FGF7: variants seen among roughly 807,000 people sequenced by gnomAD.
FGF7 encodes the protein FGF-7.
FGF7 carries 6 observed loss-of-function variants against 20.5 expected under a neutral mutation model. The ratio of observed to expected loss-of-function variants is 0.29; its 90% CI spans 0.16 to 0.58. The LOEUF is 0.58. Ranked by LOEUF, FGF7 falls within the 20% of genes least tolerant of loss-of-function variation. The pLI, the probability that FGF7 is intolerant of heterozygous loss-of-function variation, is 0.90. For synonymous variants in FGF7, 64 were observed against 74.7 expected (o/e 0.86, Z 0.74); for missense variants, 144 against 228.8 (o/e 0.63, Z 2.39).
At chr15:49,470,974 C>T (rs552897877) in intron 2 of FGF7, among the ~76,000 whole-genome samples, 1 of 152,158 alleles carries the variant, frequency 6.6e-6, no homozygotes, top group African/African-American at 2.4e-5. Flanking sequence ...GTGTTTGTTC[C>T]ACATCTTGTG....
rs1040536229 is a variant in FGF7, at chr15:49,485,464, T to C, written c.*960T>C. The C allele has an allele frequency of 2.1e-5, 3 of 146,296 alleles. No individual in the cohort carries two copies. Among genetic ancestry groups the C allele is most frequent in the African/African-American group, 7.3e-5 (3 of 41,122 alleles). The allele number at this position is 146,296 out of a possible 1,614,324, so 9.1% of individuals were successfully genotyped here. On this transcript the variant is annotated 3_prime_UTR_variant, in exon 4 of 4. Coordinates refer to ENST00000267843, the MANE Select transcript of FGF7 (RefSeq NM_002009.4). ...TTTATTGTTTTGTTATTTAAGTTTA[T>C]GTTATTTATAAAAAAAAAACCTTAA...
chr15:49,470,722 T>C (rs1314333011), intron 2 of FGF7, among the ~76,000 whole-genome samples: 3 of 152,258 alleles, frequency 2.0e-5, no homozygotes, highest in Non-Finnish European at 4.4e-5. Context: ...GGATCATTGC[T>C]GTTAAGTATA....
In FGF7 at chr15:49,485,932, C is replaced by T. The variant is rs2152032541; in HGVS notation, c.*1428C>T. 6.6e-6 allele frequency: 1 copy of T among 151,996 alleles called. No homozygotes were observed. Among genetic ancestry groups the T allele is most frequent in the Non-Finnish European group, 1.5e-5 (1 of 67,940 alleles). 9.4% of individuals were successfully genotyped at this position (151,996 alleles called of 1,614,324 possible). A position where few individuals can be genotyped will look rare whatever the true frequency, so the allele number is the denominator to read the frequency against. Reference sequence around the variant, plus strand: ...CCTGTTAGATGGCAAGAGCACAATGCCCAAAATAGAAGATGCAGTTAAGAA... The same window carrying T: ...CCTGTTAGATGGCAAGAGCACAATGTCCAAAATAGAAGATGCAGTTAAGAA... On this transcript the variant is annotated 3_prime_UTR_variant, in exon 4 of 4. Transcript: ENST00000267843.
At chr15:49,439,114 G>C (rs571508348) in intron 2 of FGF7, among the ~76,000 whole-genome samples, 1 of 151,776 alleles carries the variant, frequency 6.6e-6, no homozygotes, top group South Asian at 2.1e-4. Context: ...TGGGGCTGAA[G>C]GATCTATATA....
At chr15:49,445,939 G>T (rs1472624878) in intron 2 of FGF7, among the ~76,000 whole-genome samples, 1 of 151,400 alleles carries the variant, frequency 6.6e-6, no homozygotes, top group Non-Finnish European at 1.5e-5. Flanking sequence ...TGTTAAAAAT[G>T]CCCAAGTATC....
chr15:49,461,712 GA>G (rs1419900221), intron 2 of FGF7, among the ~76,000 whole-genome samples: 1 of 152,080 alleles, frequency 6.6e-6, no homozygotes, highest in Non-Finnish European at 1.5e-5. Flanking sequence ...TTTTTTTGAG[GA>G]AAAATTTTTA....
intron 2 of FGF7, among the ~76,000 whole-genome samples, chr15:49,428,824 G>A (rs1221082519): frequency 6.6e-6 from 1 of 152,000 alleles, no homozygotes; most frequent in Admixed American, 6.6e-5. Flanking sequence ...AGCAAGAAAA[G>A]GGTTAGCCAT....
intron 2 of FGF7, among the ~76,000 whole-genome samples, chr15:49,463,950 G>C (rs2054037139): frequency 6.7e-6 from 1 of 149,138 alleles, no homozygotes; most frequent in South Asian, 2.1e-4. Flanking sequence ...GTTTGCTTTA[G>C]AGTTACTATT....
chr15:49,424,718 T>G, intron 2 of FGF7, 135 bp downstream of exon 2: 1 of 600,194 alleles, frequency 1.7e-6, no homozygotes, highest in South Asian at 3.2e-5. Flanking sequence ...TTCTCTAAAT[T>G]GAACTATGTT....
intron 2 of FGF7, among the ~76,000 whole-genome samples, chr15:49,453,175 G>A (rs1044324811): frequency 2.6e-5 from 4 of 151,900 alleles, no homozygotes; most frequent in African/African-American, 7.3e-5. Context: ...AATAACAACT[G>A]TATTTTTCTT....
chr15:49,476,756 T>C (rs1326541474), intron 2 of FGF7, among the ~76,000 whole-genome samples: 1 of 152,070 alleles, frequency 6.6e-6, no homozygotes. Flanking sequence ...CTTTTAGATT[T>C]ACAAAAAAAA....
intron 2 of FGF7, among the ~76,000 whole-genome samples, chr15:49,471,327 A>G (rs1292296981): frequency 6.6e-6 from 1 of 151,820 alleles, no homozygotes; most frequent in Non-Finnish European, 1.5e-5. Context: ...TCTACTAAAA[A>G]TACAAAAATT....
At chr15:49,480,785 C>T (rs1383224052) in intron 2 of FGF7, among the ~76,000 whole-genome samples, 2 of 151,936 alleles carry the variant, frequency 1.3e-5, no homozygotes, top group Non-Finnish European at 2.9e-5. Flanking sequence ...ATCCAGCCAT[C>T]CCCTTTGTAA....
chr15:49,427,722 G>A (rs1462945470), intron 2 of FGF7, among the ~76,000 whole-genome samples: 2 of 151,920 alleles, frequency 1.3e-5, no homozygotes, highest in African/African-American at 4.8e-5. Context: ...CTTCCACACA[G>A]GAATGTGGTT....
chr15:49,465,304 CTT>C (rs67362920), intron 2 of FGF7, among the ~76,000 whole-genome samples: 5 of 140,550 alleles, frequency 3.6e-5, no homozygotes, highest in Admixed American at 7.1e-5. Context: ...TTTTCTTTTT[CTT>C]TTTTTTTTTT....
intron 2 of FGF7, among the ~76,000 whole-genome samples, chr15:49,465,206 T>G (rs1238076132): frequency 6.6e-6 from 1 of 152,112 alleles, no homozygotes; most frequent in African/African-American, 2.4e-5. Context: ...CTCAACTCAC[T>G]GCAACCTCTG....
chr15:49,434,715 C>T (rs990278341), intron 2 of FGF7: 6 of 151,268 alleles, frequency 4.0e-5, no homozygotes, highest in South Asian at 2.1e-4. Flanking sequence ...TTGCATGCTT[C>T]GAATGATTGC....
chr15:49,427,728 T>C (rs1170874790), intron 2 of FGF7, among the ~76,000 whole-genome samples: 1 of 151,976 alleles, frequency 6.6e-6, no homozygotes, highest in Non-Finnish European at 1.5e-5. Context: ...CACAGGAATG[T>C]GGTTTTTTAA....
intron 2 of FGF7, among the ~76,000 whole-genome samples, chr15:49,467,576 T>A (rs1322664527): frequency 6.6e-6 from 1 of 152,140 alleles, no homozygotes; most frequent in Non-Finnish European, 1.5e-5. Flanking sequence ...TTCCATTTCA[T>A]ATAAAAATCT....
Sources: gnomAD v4.1 joint callset for allele counts (sites outside exome capture counted in the v4.1 genomes callset) on GRCh38, gnomAD v4.1.1 for gene constraint, MANE v1.5 for transcripts, NCBI Gene and HGNC (gene_info 2026-07-23, HGNC 2026-07-21) for gene names.